The following FMN1 variants were observed in gnomAD, a reference collection of about 807,000 sequenced individuals.
FMN1 encodes the protein formin-1.
In FMN1, 110 loss-of-function variants were observed where a neutral mutation model predicts 132.4. The observed-to-expected ratio is 0.83, with a 90% CI of 0.71 to 0.97. FMN1 has a LOEUF of 0.97. Among genes scored for constraint, FMN1 ranks in the 50% least tolerant of loss-of-function variants. The pLI, the probability that FMN1 is intolerant of heterozygous loss-of-function variation, is 0.00. For missense variants in FMN1, 1,792 were observed against 1,705.3 expected, an observed-to-expected ratio of 1.05 and a Z score of -0.90; for synonymous variants, 722 against 651.7, an observed-to-expected ratio of 1.11 and a Z score of -1.64.
chr15:33,127,333 G>A (rs1392379443), intron 4 of FMN1, among the ~76,000 whole-genome samples: 1 of 151,454 alleles, frequency 6.6e-6, no homozygotes, highest in Non-Finnish European at 1.5e-5. Context: ...CATTCAACCT[G>A]GACCCTAAAT....
At chr15:33,114,868 T>G (rs910567194) in intron 4 of FMN1, among the ~76,000 whole-genome samples, 5 of 152,210 alleles carry the variant, frequency 3.3e-5, no homozygotes, top group Non-Finnish European at 7.4e-5. Context: ...CCTCCCTTAT[T>G]TTGCCTATCC....
intron 10 of FMN1, among the ~76,000 whole-genome samples, chr15:32,922,179 T>G (rs1044917517): frequency 6.6e-6 from 1 of 152,158 alleles, no homozygotes; most frequent in African/African-American, 2.4e-5. Context: ...TATGTGCTGT[T>G]GTAGTCATGA....
chr15:32,773,288 T>C lies in FMN1; in HGVS notation c.*1022A>G, dbSNP rs1211096147. The C allele has an allele frequency of 6.6e-6, 1 of 152,178 alleles. No individual in the cohort carries two copies. The highest frequency in any genetic ancestry group is 1.5e-5 in the Non-Finnish European group (1 of 68,038). The allele number at this position is 152,178 out of a possible 1,614,324, so 9.4% of individuals were successfully genotyped here. On this transcript the variant is annotated 3_prime_UTR_variant, in exon 21 of 21. Coordinates refer to ENST00000616417, the MANE Select transcript of FMN1 (RefSeq NM_001277313.2). ...GAGTCCTGCTTCATCCTACTTCACA[T>C]GCCTATCAGCCAAGGTCATGAGCAG... is the stretch of plus-strand genomic sequence containing the variant.
intron 6 of FMN1, chr15:33,064,292 T>C (rs1020624172): frequency 1.3e-5 from 2 of 152,218 alleles, no homozygotes; most frequent in Non-Finnish European, 2.9e-5. Flanking sequence ...TACACACACA[T>C]GCAATTCTTA....
chr15:32,913,088 T>C (rs928131022), intron 10 of FMN1, among the ~76,000 whole-genome samples: 1 of 152,170 alleles, frequency 6.6e-6, no homozygotes, highest in African/African-American at 2.4e-5. Context: ...CCCGAATTCT[T>C]AGGTGTTTCT....
intron 6 of FMN1, among the ~76,000 whole-genome samples, chr15:33,020,327 C>A (rs899429880): frequency 6.6e-6 from 1 of 152,042 alleles, no homozygotes; most frequent in Admixed American, 6.5e-5. Context: ...ACCGACCCCC[C>A]CAACCCCCCC....
At chr15:32,857,939 A>T (rs1192562911) in intron 16 of FMN1, among the ~76,000 whole-genome samples, 1 of 152,258 alleles carries the variant, frequency 6.6e-6, no homozygotes, top group East Asian at 1.9e-4. Flanking sequence ...CTGGGAAAAG[A>T]AAGGCTTCGT....
chr15:32,969,188 A>G lies in FMN1; in HGVS notation c.2513T>C (p.Leu838Ser). The stretch of plus-strand genomic sequence containing the variant: ...GTCATTTGGGGGTGAGAGCTGGCTT[A>G]AAGAGGAGATATTCAGCTTTTTGGG... ...LVPKKLNISS[L>S]SQLSPPNDHK... is the part of the protein sequence containing the mutation. Residue 838 changes from leucine (L) to serine (S), a missense_variant, in exon 8 of 21, where the codon TTA becomes TCA. Leu to Ser is a moderately radical substitution (Grantham distance 145). Transcript: ENST00000616417. The G allele has an allele frequency of 6.2e-7, 1 of 1,613,880 alleles. No individual in the cohort carries two copies. Among genetic ancestry groups the G allele is most frequent in the Non-Finnish European group, 8.5e-7 (1 of 1,179,866 alleles).
intron 17 of FMN1, among the ~76,000 whole-genome samples, chr15:32,846,542 T>C (rs1340739644): frequency 1.3e-5 from 2 of 152,136 alleles, no homozygotes; most frequent in African/African-American, 4.8e-5. Context: ...AGAATGGCGA[T>C]TAAAAAGTCA....
At chr15:32,828,840 TA>T (rs1284403851) in intron 17 of FMN1, among the ~76,000 whole-genome samples, 1 of 152,168 alleles carries the variant, frequency 6.6e-6, no homozygotes, top group Non-Finnish European at 1.5e-5. Flanking sequence ...AGGAACACGT[TA>T]GTAGTTTCAA....
intron 16 of FMN1, among the ~76,000 whole-genome samples, chr15:32,871,337 T>C (rs141334651): frequency 7.5e-4 from 114 of 152,332 alleles, no homozygotes; most frequent in African/African-American, 2.6e-3. Context: ...TCCATCATTT[T>C]ATGGGGGTTG....
intron 4 of FMN1, among the ~76,000 whole-genome samples, chr15:33,127,056 G>A (rs1478048123): frequency 6.6e-6 from 1 of 151,762 alleles, no homozygotes; most frequent in Non-Finnish European, 1.5e-5. Flanking sequence ...GACATATTAA[G>A]CTTTCTGCTG....
intron 4 of FMN1, among the ~76,000 whole-genome samples, chr15:33,147,868 A>G (rs534044143): frequency 2.0e-5 from 3 of 152,300 alleles, no homozygotes; most frequent in Admixed American, 2.0e-4. Context: ...GCTTTACACA[A>G]AAAGCAAGCA....
At chr15:33,084,670 T>C (rs1321857409) in intron 5 of FMN1, among the ~76,000 whole-genome samples, 1 of 152,176 alleles carries the variant, frequency 6.6e-6, no homozygotes, top group African/African-American at 2.4e-5. Context: ...GTTAAATAGA[T>C]GCCCCCAGAG....
intron 3 of FMN1, among the ~76,000 whole-genome samples, chr15:33,158,366 G>T (rs374231303): frequency 3.2e-4 from 49 of 151,796 alleles, no homozygotes; most frequent in East Asian, 2.9e-3. Context: ...TCAAGTCAAG[G>T]TTTAGAAAAT....
chr15:32,863,669 C>T (rs887676807), intron 16 of FMN1, among the ~76,000 whole-genome samples: 1 of 152,166 alleles, frequency 6.6e-6, no homozygotes, highest in East Asian at 1.9e-4. Context: ...GGCAAACCTA[C>T]GAGTTATTTC....
intron 9 of FMN1, among the ~76,000 whole-genome samples, chr15:32,938,211 C>G (rs954374846): frequency 6.6e-6 from 1 of 151,936 alleles, no homozygotes; most frequent in South Asian, 2.1e-4. Flanking sequence ...AAGTATTCCC[C>G]TACTAAAGGA....
In FMN1 at chr15:33,066,892, T is replaced by C. The variant is rs74655292; in HGVS notation, c.2044-1818A>G. The C allele has an allele frequency of 7.5e-3, 12,115 of 1,613,982 alleles. 63 individuals carry two copies. Among genetic ancestry groups the C allele is most frequent in the Middle Eastern group, 0.017 (102 of 6,060 alleles). On this transcript the variant is annotated intron_variant, in intron 5 of 20. Coordinates refer to ENST00000616417, the MANE Select transcript of FMN1 (RefSeq NM_001277313.2). ...TGGGAGTGGCCTTCGGATCAGTTGC[T>C]TTCTTCTCACTCTTCACTGTCTGCA...
intron 3 of FMN1, among the ~76,000 whole-genome samples, chr15:33,159,947 CGTT>C (rs1195375553): frequency 6.6e-6 from 1 of 152,180 alleles, no homozygotes; most frequent in Non-Finnish European, 1.5e-5. Flanking sequence ...TTCTGCCTCT[CGTT>C]GATTTCGGGT....
Sources: gnomAD v4.1 joint callset for allele counts (sites outside exome capture counted in the v4.1 genomes callset) on GRCh38, gnomAD v4.1.1 for gene constraint, MANE v1.5 for transcripts, NCBI Gene and HGNC (gene_info 2026-07-23, HGNC 2026-07-21) for gene names.